The following CRYBB3 variants were observed in gnomAD, a reference collection of about 807,000 sequenced individuals.
CRYBB3 encodes crystallin beta B3, also known as beta-crystallin B3.
In CRYBB3, 35 loss-of-function variants were observed where a neutral mutation model predicts 28.3. That is an observed-to-expected ratio of 1.24 (90% CI 0.95 to 1.64). CRYBB3 has a LOEUF of 1.64. CRYBB3 is among the 40% of genes most tolerant of loss of function. The pLI is 0.00. For missense variants in CRYBB3, 296 were observed against 297.4 expected, an observed-to-expected ratio of 1.00 and a Z score of 0.04; for synonymous variants, 106 against 110.4, an observed-to-expected ratio of 0.96 and a Z score of 0.25.
Position 25,201,369 on chromosome 22 carries a change from G to A in CRYBB3, c.-20-8G>A. On this transcript the variant is annotated splice_region_variant and splice_polypyrimidine_tract_variant and intron_variant, in intron 1 of 5. Transcript: ENST00000215855. Reference sequence around the variant, plus strand: ...GGATCCAGTGAACCATTTTCTTTTGGTTTGAAGCCAGAGGTGTTCCTGGGG... The same window carrying A: ...GGATCCAGTGAACCATTTTCTTTTGATTTGAAGCCAGAGGTGTTCCTGGGG... 1.9e-6 allele frequency: 3 copies of A among 1,612,428 alleles called. No individual in the cohort carries two copies. Among genetic ancestry groups the A allele is most frequent in the Non-Finnish European group, 2.5e-6 (3 of 1,178,950 alleles).
chr22:25,204,907 T>C lies in CRYBB3; in HGVS notation c.328-313T>C, dbSNP rs1935004691. On this transcript the variant is annotated intron_variant, in intron 4 of 5. Transcript: ENST00000215855. ...AGCTCATATGTTGATACTTTTGATCTCTGTCCACCCTCTCCTGGCCTCAGT... is the reference window on the plus strand; with the variant it reads ...AGCTCATATGTTGATACTTTTGATCCCTGTCCACCCTCTCCTGGCCTCAGT... Among the ~76,000 whole-genome samples, 3 of 152,352 alleles carry C rather than the reference T, an allele frequency of 2.0e-5. No individual in the cohort carries two copies. The South Asian group carries it at 6.2e-4, about 32-fold the overall frequency.
At chr22:25,207,021 A>G in intron 5 of CRYBB3, 26 bp from the exon 6 acceptor site, 1 of 1,592,856 alleles carries the variant, frequency 6.3e-7, no homozygotes, top group Non-Finnish European at 8.6e-7. Context: ...CAGACCGTCC[A>G]CATCTCAACC....
chr22:25,206,979 C>A, intron 5 of CRYBB3, 68 bp from the exon 6 acceptor site: 1 of 1,192,444 alleles, frequency 8.4e-7, no homozygotes, highest in Non-Finnish European at 1.3e-6. Context: ...AGTGCATGGT[C>A]AGATGCTGGC....
chr22:25,207,025 C>T, intron 5 of CRYBB3, 22 bp from the exon 6 acceptor site: 1 of 1,601,564 alleles, frequency 6.2e-7, no homozygotes, highest in East Asian at 2.2e-5. Flanking sequence ...CCGTCCACAT[C>T]TCAACCTTGG....
intron 4 of CRYBB3, among the ~76,000 whole-genome samples, chr22:25,204,384 T>TTC (rs747890269): frequency 6.6e-6 from 1 of 151,906 alleles, no homozygotes. Context: ...AGTGCAGTCT[T>TTC]TCTCTCTCTC....
chr22:25,202,552 C>CAGGG, intron 2 of CRYBB3, 122 bp from the exon 3 acceptor site: 1 of 1,575,452 alleles, frequency 6.3e-7, no homozygotes, highest in Non-Finnish European at 8.6e-7. Flanking sequence ...CACCTCAGTG[C>CAGGG]CAGCTCCAGG....
chr22:25,203,811 G>A lies in CRYBB3; in HGVS notation c.243G>A (p.Leu81=), dbSNP rs777736274. 16 of 1,614,104 alleles carry A rather than the reference G, an allele frequency of 9.9e-6. No individual in the cohort carries two copies. The highest frequency in any genetic ancestry group is 1.4e-5 in the Non-Finnish European group (16 of 1,180,046). Reference sequence around the variant, plus strand: ...CCTTCCGCGGGGAGCAGTTTGTTCTGGAGAAGGGGGATTATCCTCGCTGGG... The same window carrying A: ...CCTTCCGCGGGGAGCAGTTTGTTCTAGAGAAGGGGGATTATCCTCGCTGGG... ...SRAFRGEQFV[L]EKGDYPRWDA... is the part of the protein sequence containing the mutation. The change falls in exon 4 of 6, where the codon CTG becomes CTA. Residue 81 remains leucine, a synonymous_variant. Coordinates refer to ENST00000215855, the MANE Select transcript of CRYBB3 (RefSeq NM_004076.5).
intron 3 of CRYBB3, among the ~76,000 whole-genome samples, chr22:25,203,045 G>A (rs1934975339): frequency 3.3e-5 from 5 of 152,210 alleles, no homozygotes; most frequent in Admixed American, 3.3e-4. Flanking sequence ...ACTGGAACAT[G>A]GGATTTAATA....
intron 1 of CRYBB3, 66 bp from the exon 2 acceptor site, chr22:25,201,311 T>C: frequency 6.3e-7 from 1 of 1,598,186 alleles, no homozygotes; most frequent in Non-Finnish European, 8.5e-7. Context: ...CATCCTGGAC[T>C]CCAGTCACAT....
intron 4 of CRYBB3, among the ~76,000 whole-genome samples, chr22:25,204,412 A>T (rs144539875): frequency 3.4e-4 from 52 of 151,450 alleles, no homozygotes; most frequent in African/African-American, 1.1e-3. Context: ...AAACATTTTT[A>T]TTTATGTATT....
rs780319207 is a variant in CRYBB3, at chr22:25,202,734, C to T, written c.136C>T (p.Pro46Ser). 3.7e-6 allele frequency: 6 copies of T among 1,613,938 alleles called. No homozygotes were observed. The South Asian group carries it at 6.6e-5, about 18-fold the overall frequency. Reference protein sequence around the residue: ...GKRCELSAECPSLTDSLLEKV... With the variant: ...GKRCELSAECSSLTDSLLEKV... ...ACGCTGCGAGCTCTCGGCCGAGTGC[C>T]CCAGCCTGACCGACAGCCTGCTGGA... Residue 46 changes from proline (P) to serine (S), a missense_variant, in exon 3 of 6, where the codon CCC (proline) becomes TCC (serine). Pro to Ser is a moderately conservative substitution (Grantham distance 74). Transcript: ENST00000215855.
chr22:25,207,059 T>G lies in CRYBB3; in HGVS notation c.483T>G (p.Tyr161Ter). ...VRAINGTWVG[Y>*]EFPGYRGRQY... is the part of the protein sequence containing the mutation. ...GGTCTCCCGGCAGGTGGGTTGGCTA[T>G]GAGTTCCCCGGCTACCGTGGGCGCC... Residue 161 changes from tyrosine to a stop codon, truncating the protein, a stop_gained, in exon 6 of 6, where the codon TAT (tyrosine) becomes TAG (stop). Transcript: ENST00000215855. LOFTEE classifies it high-confidence loss of function. 12 of 1,613,342 alleles carry G rather than the reference T, an allele frequency of 7.4e-6. No homozygotes were observed. Among genetic ancestry groups the G allele is most frequent in the Non-Finnish European group, 9.3e-6 (11 of 1,179,464 alleles).
chr22:25,202,807 C>A lies in CRYBB3; in HGVS notation c.194+15C>A. On this transcript the variant is annotated intron_variant, in intron 3 of 5. Coordinates refer to ENST00000215855, the MANE Select transcript of CRYBB3 (RefSeq NM_004076.5). ...GAGTCCGGGCCGTGAGTACCTAGAC[C>A]CCCAGTCCCTCGCCACAGCCCTGAG... is the stretch of plus-strand genomic sequence containing the variant. 1 of 1,613,206 alleles carries A rather than the reference C, an allele frequency of 6.2e-7. No individual in the cohort carries two copies. Among genetic ancestry groups the A allele is most frequent in the South Asian group, 1.1e-5 (1 of 90,996 alleles).
Position 25,205,356 on chromosome 22 carries a change from A to G in CRYBB3, c.464A>G (p.Asn155Ser), listed in dbSNP as rs1440890137. The change falls in exon 5 of 6, where the codon AAC (asparagine) becomes AGC (serine). Residue 155 changes from asparagine to serine, a missense_variant. Coordinates refer to ENST00000215855, the MANE Select transcript of CRYBB3 (RefSeq NM_004076.5). ...QDRVASVRAI[N>S]GTWVGYEFPG... ...CGTGTGGCGAGTGTCCGTGCCATCAACGGGACGTAAGGGACCCAACCCTCA... is the reference window on the plus strand; with the variant it reads ...CGTGTGGCGAGTGTCCGTGCCATCAGCGGGACGTAAGGGACCCAACCCTCA... 2 of 1,613,952 alleles carry G rather than the reference A, an allele frequency of 1.2e-6. No homozygotes were observed. The highest frequency in any genetic ancestry group is 4.5e-5 in the East Asian group (2 of 44,882).
intron 1 of CRYBB3, among the ~76,000 whole-genome samples, chr22:25,200,754 A>G (rs955310319): frequency 3.3e-5 from 5 of 152,116 alleles, no homozygotes; most frequent in African/African-American, 9.7e-5. Context: ...ACGCAGGGAA[A>G]CTGACCTGGA....
chr22:25,205,085 C>T, intron 4 of CRYBB3, 135 bp from the exon 5 acceptor site: 1 of 1,158,508 alleles, frequency 8.6e-7, no homozygotes, highest in Admixed American at 2.0e-5. Context: ...TCTCCTGAGG[C>T]CCTTCCCTCC....
At chr22:25,202,356 T>C (rs1410644752) in intron 2 of CRYBB3, among the ~76,000 whole-genome samples, 1 of 152,192 alleles carries the variant, frequency 6.6e-6, no homozygotes, top group Non-Finnish European at 1.5e-5. Flanking sequence ...AAATTGGAAC[T>C]GGGACCTCAT....
chr22:25,205,338 C>T lies in CRYBB3; in HGVS notation c.446C>T (p.Ala149Val), dbSNP rs534419819. 219 of 1,614,074 alleles carry T rather than the reference C, an allele frequency of 1.4e-4. No homozygotes were observed. The highest frequency in any genetic ancestry group is 1.7e-4 in the Non-Finnish European group (201 of 1,180,004). The change falls in exon 5 of 6, where the codon GCG becomes GTG. Residue 149 changes from alanine to valine, a missense_variant. Physicochemically the swap from Ala to Val is moderately conservative, Grantham distance 64. Transcript: ENST00000215855. The stretch of plus-strand genomic sequence containing the variant: ...GCTCATGGCTTCCAGGACCGTGTGG[C>T]GAGTGTCCGTGCCATCAACGGGACG... ...LWAHGFQDRV[A>V]SVRAINGTWV...
intron 5 of CRYBB3, 138 bp downstream of exon 5, chr22:25,205,500 C>T: frequency 9.0e-7 from 1 of 1,107,974 alleles, no homozygotes; most frequent in South Asian, 2.2e-5. Context: ...TGCTCTGTCG[C>T]CCAGGCTGGA....
Sources: allele counts gnomAD v4.1 joint callset (sites outside exome capture counted in the v4.1 genomes callset), GRCh38; gene constraint gnomAD v4.1.1; transcripts MANE v1.5; gene names NCBI Gene and HGNC (gene_info 2026-07-23, HGNC 2026-07-21).